PDE1C: variants seen among roughly 807,000 people sequenced by gnomAD.
PDE1C encodes the protein phosphodiesterase 1C.
In PDE1C, 62 loss-of-function variants were observed where a neutral mutation model predicts 93.1. That is an observed-to-expected ratio of 0.67 (90% CI 0.54 to 0.82). The LOEUF (loss-of-function observed/expected upper bound fraction) is 0.82, where lower values mean the gene tolerates loss of function less well. Among genes scored for constraint, PDE1C ranks in the 40% least tolerant of loss-of-function variants. PDE1C has a pLI of 0.00. For synonymous variants in PDE1C, 325 were observed against 310.1 expected, an observed-to-expected ratio of 1.05 and a Z score of -0.50; for missense variants, 742 against 884.6, an observed-to-expected ratio of 0.84 and a Z score of 2.04.
chr7:32,219,473 C>G (rs719585), intron 1 of PDE1C, among the ~76,000 whole-genome samples: 33,248 of 152,226 alleles, frequency 0.22, 4,047 homozygotes, highest in Non-Finnish European at 0.27. Flanking sequence ...TATGTTGCAT[C>G]TGCAGATAGG....
At chr7:32,034,165 T>C (rs1266643685) in intron 2 of PDE1C, among the ~76,000 whole-genome samples, 1 of 151,788 alleles carries the variant, frequency 6.6e-6, no homozygotes, top group Non-Finnish European at 1.5e-5. Flanking sequence ...ATCAACCCCT[T>C]ACTGGAAAGA....
chr7:32,045,654 T>C (rs1382184617), intron 2 of PDE1C, among the ~76,000 whole-genome samples: 1 of 152,186 alleles, frequency 6.6e-6, no homozygotes, highest in Non-Finnish European at 1.5e-5. Context: ...TAGCTGCCAC[T>C]TTTAATTGCA....
the PDE1C span, among the ~76,000 whole-genome samples, chr7:31,672,568 C>T: frequency 6.7e-3 from 1,000 of 150,128 alleles, 25 homozygotes; most frequent in East Asian, 0.042. Context: ...TTTTCTTTTT[C>T]CTTTTTTATT....
chr7:31,703,822 T>C, the PDE1C span, among the ~76,000 whole-genome samples: 11 of 152,166 alleles, frequency 7.2e-5, no homozygotes, highest in Admixed American at 4.6e-4. Context: ...CTACCTTCAC[T>C]CCCCTTAGTT....
At chr7:32,201,152 C>A (rs1804983931) in intron 2 of PDE1C, among the ~76,000 whole-genome samples, 1 of 152,206 alleles carries the variant, frequency 6.6e-6, no homozygotes, top group African/African-American at 2.4e-5. Context: ...TTCTTTATTG[C>A]AAGTTTAACT....
the PDE1C span, among the ~76,000 whole-genome samples, chr7:31,625,234 A>T: frequency 3.3e-5 from 5 of 151,506 alleles, no homozygotes; most frequent in Non-Finnish European, 1.5e-5. Flanking sequence ...AGGGATCTAG[A>T]ATTACAAATA....
chr7:31,668,352 C>T, the PDE1C span, among the ~76,000 whole-genome samples: 1 of 152,234 alleles, frequency 6.6e-6, no homozygotes, highest in South Asian at 2.1e-4. Flanking sequence ...TATGTATGTT[C>T]ACACAAAGAC....
intron 12 of PDE1C, among the ~76,000 whole-genome samples, chr7:31,826,735 G>C (rs1789716239): frequency 6.6e-6 from 1 of 152,156 alleles, no homozygotes; most frequent in Non-Finnish European, 1.5e-5. Flanking sequence ...GTAGGAGGCA[G>C]TCAACTACTT....
the PDE1C span, among the ~76,000 whole-genome samples, chr7:31,673,957 GA>G: frequency 6.6e-6 from 1 of 152,130 alleles, no homozygotes; most frequent in South Asian, 2.1e-4. Context: ...AGAAAATTCA[GA>G]AAAACTTGCT....
chr7:32,298,520 C>T lies in PDE1C; in HGVS notation c.85+131G>A, dbSNP rs1812772629. 12 of 1,143,486 alleles carry T rather than the reference C, an allele frequency of 1.0e-5. No individual in the cohort carries two copies. In the South Asian group the frequency reaches 1.8e-4, roughly 17 times the overall value. The allele number at this position is 1,143,486 out of a possible 1,614,324, so 70.8% of individuals were successfully genotyped here. ...CCCAGTCGCCGCTCCCGGGGGCTCC[C>T]GCCCGGAGAGCACCCTCCGGCCCCA... On this transcript the variant is annotated intron_variant, in intron 1 of 18. Transcript: ENST00000396193.
intron 2 of PDE1C, among the ~76,000 whole-genome samples, chr7:31,913,608 A>G (rs553566847): frequency 6.6e-6 from 1 of 152,286 alleles, no homozygotes; most frequent in East Asian, 1.9e-4. Flanking sequence ...TGAATAAGAC[A>G]AGTGGTGGGG....
At chr7:31,631,594 C>T in the PDE1C span, among the ~76,000 whole-genome samples, 1 of 151,888 alleles carries the variant, frequency 6.6e-6, no homozygotes, top group African/African-American at 2.4e-5. Flanking sequence ...TTTACAGAAG[C>T]GGATTTTTCT....
At chr7:32,197,910 A>G (rs1804730484) in intron 2 of PDE1C, among the ~76,000 whole-genome samples, 2 of 152,234 alleles carry the variant, frequency 1.3e-5, no homozygotes, top group Non-Finnish European at 2.9e-5. Flanking sequence ...TAAATATATG[A>G]AAAATCATTG....
At chr7:31,846,682 G>C (rs1792657070) in intron 9 of PDE1C, among the ~76,000 whole-genome samples, 1 of 152,092 alleles carries the variant, frequency 6.6e-6, no homozygotes, top group Non-Finnish European at 1.5e-5. Flanking sequence ...TATCATCAGA[G>C]TGAATGGGCA....
chr7:31,916,604 C>T (rs6962770), intron 2 of PDE1C, among the ~76,000 whole-genome samples: 19,917 of 152,136 alleles, frequency 0.13, 1,515 homozygotes, highest in Admixed American at 0.23. Context: ...GGACAGGTTA[C>T]GGGGTAGCTT....
At chr7:32,412,046 A>G (rs1785181359) in intron 1 of PDE1C, among the ~76,000 whole-genome samples, 1 of 152,130 alleles carries the variant, frequency 6.6e-6, no homozygotes, top group Non-Finnish European at 1.5e-5. Flanking sequence ...GTCACCTCCT[A>G]TGGTAGCAAT....
intron 3 of PDE1C, among the ~76,000 whole-genome samples, chr7:32,117,455 G>A (rs1799045803): frequency 6.6e-6 from 1 of 152,140 alleles, no homozygotes; most frequent in African/African-American, 2.4e-5. Context: ...GCAGTTTATA[G>A]ACCTGCTCAA....
chr7:32,285,413 C>A (rs1811933480), intron 1 of PDE1C, among the ~76,000 whole-genome samples: 1 of 152,138 alleles, frequency 6.6e-6, no homozygotes, highest in Admixed American at 6.5e-5. Flanking sequence ...ATATTTATAG[C>A]AGCATTATTC....
At chr7:31,851,050 G>A (rs1391643321) in intron 7 of PDE1C, 1 of 299,676 alleles carries the variant, frequency 3.3e-6, no homozygotes, top group Admixed American at 4.4e-5. Context: ...TCCAAATAAA[G>A]TTCCTAGGTA....
Sources: gnomAD v4.1 joint callset for allele counts (sites outside exome capture counted in the v4.1 genomes callset) on GRCh38, gnomAD v4.1.1 for gene constraint, MANE v1.5 for transcripts, NCBI Gene and HGNC (gene_info 2026-07-23, HGNC 2026-07-21) for gene names.